The following STXBP5L variants were observed in gnomAD, a reference collection of about 807,000 sequenced individuals.
STXBP5L encodes the protein syntaxin binding protein 5L, also known as syntaxin-binding protein 5-like.
Under a neutral mutation model 144.5 loss-of-function variants are expected in STXBP5L, and 65 were observed. The observed-to-expected ratio is 0.45, with a 90% confidence interval of 0.37 to 0.55. The LOEUF (loss-of-function observed/expected upper bound fraction) is 0.55. Among genes scored for constraint, STXBP5L ranks in the 20% least tolerant of loss-of-function variants. The probability of loss-of-function intolerance (pLI) is 0.00; values close to 1 mark genes in which losing one functional copy is unlikely to be tolerated. For synonymous variants in STXBP5L, 505 were observed against 469.6 expected (o/e 1.08, Z -0.97); for missense variants, 1,298 against 1,405.5 (o/e 0.92, Z 1.22).
chr3:121,365,364 A>G (rs1173478130), intron 20 of STXBP5L, among the ~76,000 whole-genome samples: 1 of 151,780 alleles, frequency 6.6e-6, no homozygotes, highest in Non-Finnish European at 1.5e-5. Context: ...TTGGCAGAAT[A>G]CACGAGTGAA....
At chr3:121,155,923 T>A (rs1227970326) in intron 8 of STXBP5L, among the ~76,000 whole-genome samples, 1 of 151,910 alleles carries the variant, frequency 6.6e-6, no homozygotes, top group Non-Finnish European at 1.5e-5. Context: ...TGCCTCCATC[T>A]TTGATGGCAA....
chr3:120,926,999 G>A (rs1309986934), intron 2 of STXBP5L, among the ~76,000 whole-genome samples: 4 of 148,482 alleles, frequency 2.7e-5, no homozygotes, highest in African/African-American at 5.0e-5. Context: ...GCAGTAGCAC[G>A]ATCTTGGCTC....
At chr3:121,055,487 G>T (rs1263664170) in intron 5 of STXBP5L, among the ~76,000 whole-genome samples, 1 of 151,896 alleles carries the variant, frequency 6.6e-6, no homozygotes, top group African/African-American at 2.4e-5. Context: ...TAAGTAATAG[G>T]CTTTCATTAT....
intron 3 of STXBP5L, among the ~76,000 whole-genome samples, chr3:120,973,759 G>T (rs1418005502): frequency 7.1e-6 from 1 of 140,846 alleles, no homozygotes; most frequent in Non-Finnish European, 1.5e-5. Context: ...TGTTCTCATT[G>T]TTCAATTCCC....
intron 5 of STXBP5L, among the ~76,000 whole-genome samples, chr3:121,080,201 A>G (rs1327190001): frequency 6.6e-6 from 1 of 151,952 alleles, no homozygotes; most frequent in African/African-American, 2.4e-5. Flanking sequence ...CTTTACCTTA[A>G]GTTTATGTGA....
chr3:120,994,659 T>A (rs1053086075), intron 3 of STXBP5L, among the ~76,000 whole-genome samples: 1 of 152,176 alleles, frequency 6.6e-6, no homozygotes, highest in Admixed American at 6.6e-5. Context: ...ATTATCTTTC[T>A]GATGTGCCGT....
intron 5 of STXBP5L, among the ~76,000 whole-genome samples, chr3:121,047,475 G>A (rs1036421747): frequency 6.6e-6 from 1 of 152,090 alleles, no homozygotes; most frequent in South Asian, 2.1e-4. Flanking sequence ...CACTATTATT[G>A]TGTGGGAATC....
chr3:121,043,391 A>G (rs1420029312), intron 4 of STXBP5L, among the ~76,000 whole-genome samples: 1 of 152,050 alleles, frequency 6.6e-6, no homozygotes, highest in Non-Finnish European at 1.5e-5. Context: ...CTCCGATGAT[A>G]AGTCACATCT....
At chr3:120,996,142 TAC>T (rs1407120330) in intron 3 of STXBP5L, among the ~76,000 whole-genome samples, 2 of 152,102 alleles carry the variant, frequency 1.3e-5, no homozygotes, top group Non-Finnish European at 2.9e-5. Flanking sequence ...TTATTTGTAA[TAC>T]AGTATTTTTT....
chr3:121,406,512 G>T (rs1196186105), intron 22 of STXBP5L, among the ~76,000 whole-genome samples: 2 of 151,968 alleles, frequency 1.3e-5, no homozygotes, highest in African/African-American at 4.8e-5. Context: ...TACCTCCTAA[G>T]CTTTATAGTA....
intron 5 of STXBP5L, among the ~76,000 whole-genome samples, chr3:121,079,398 A>T (rs1007106406): frequency 6.6e-6 from 1 of 152,246 alleles, no homozygotes; most frequent in African/African-American, 2.4e-5. Flanking sequence ...ATAAACTTTC[A>T]GGAATGTGGA....
intron 20 of STXBP5L, among the ~76,000 whole-genome samples, chr3:121,338,610 G>GAGAGAAAGAGAGAAAGAAAGAAAGAA (rs1559990775): frequency 1.4e-5 from 1 of 69,444 alleles, no homozygotes; most frequent in Non-Finnish European, 3.1e-5. Context: ...AAAAAAAAAA[G>GAGAGAAAGAGAGAAAGAAAGAAAGAA]AGAGAAAGAG....
At chr3:120,989,023 C>T (rs989294714) in intron 3 of STXBP5L, among the ~76,000 whole-genome samples, 5 of 152,038 alleles carry the variant, frequency 3.3e-5, no homozygotes, top group Non-Finnish European at 5.9e-5. Flanking sequence ...GAATAATATT[C>T]CATGGAATAT....
intron 20 of STXBP5L, among the ~76,000 whole-genome samples, chr3:121,348,591 C>A (rs968181707): frequency 4.6e-5 from 7 of 152,106 alleles, no homozygotes; most frequent in East Asian, 3.9e-4. Flanking sequence ...TGGTCCTAGA[C>A]TTTTTTTGGT....
intron 10 of STXBP5L, among the ~76,000 whole-genome samples, chr3:121,216,309 T>C (rs1393959987): frequency 6.6e-6 from 1 of 152,230 alleles, no homozygotes; most frequent in Non-Finnish European, 1.5e-5. Flanking sequence ...TACTTTTTTG[T>C]CTCATCTTCA....
At position 121,254,783 on chromosome 3, in the gene STXBP5L, C is replaced by G. The variant is rs926682009; in HGVS notation, c.1442-112C>G. 5.5e-6 allele frequency: 5 copies of G among 911,270 alleles called. No individual in the cohort carries two copies. In the African/African-American group the frequency reaches 8.5e-5, roughly 15 times the overall value. 56.4% of individuals were successfully genotyped at this position (911,270 alleles called of 1,614,324 possible). A position where few individuals can be genotyped will look rare whatever the true frequency, so the allele number is the denominator to read the frequency against. On this transcript the variant is annotated intron_variant, in intron 15 of 26. Coordinates refer to ENST00000471454, the MANE Select transcript of STXBP5L (RefSeq NM_001308330.2). ...GCTTTACTGGTTAAAATGTAATTCA[C>G]TTTGTCTACTTAGGTTTACTTTTGT...
At chr3:121,087,248 T>C (rs1306178030) in intron 5 of STXBP5L, among the ~76,000 whole-genome samples, 10 of 152,090 alleles carry the variant, frequency 6.6e-5, no homozygotes, top group Non-Finnish European at 1.5e-5. Context: ...ATTTTCTCTT[T>C]AGTTGTTCTA....
chr3:121,045,424 T>C lies in STXBP5L; in HGVS notation c.370-11T>C, dbSNP rs754913694. The C allele has an allele frequency of 1.9e-5, 30 of 1,593,202 alleles. No homozygotes were observed. The highest frequency in any genetic ancestry group is 2.6e-5 in the Non-Finnish European group (30 of 1,173,144). Reference sequence around the variant, plus strand: ...AAATCACACACTTACTTTATCTTCTTTTTGTTCTAGGGTGCCTTGGTCAGT... The same window carrying C: ...AAATCACACACTTACTTTATCTTCTCTTTGTTCTAGGGTGCCTTGGTCAGT... On this transcript the variant is annotated splice_polypyrimidine_tract_variant and intron_variant, in intron 4 of 26. Coordinates refer to ENST00000471454, the MANE Select transcript of STXBP5L (RefSeq NM_001308330.2).
In STXBP5L at chr3:121,408,162, A is replaced by G. The variant is rs532294949; in HGVS notation, c.2948+559A>G. Among the ~76,000 whole-genome samples, 52 of 152,130 alleles carry G rather than the reference A, an allele frequency of 3.4e-4. No individual in the cohort carries two copies. The South Asian group carries it at 5.0e-3, about 15-fold the overall frequency. On this transcript the variant is annotated intron_variant, in intron 23 of 26. Transcript: ENST00000471454. Reference sequence around the variant, plus strand: ...GAAAAGTGAGGCCAGTCTGATAATTAAAAGTTATCAGATACTTTTAAAATA... The same window carrying G: ...GAAAAGTGAGGCCAGTCTGATAATTGAAAGTTATCAGATACTTTTAAAATA...
Sources: allele counts gnomAD v4.1 joint callset (sites outside exome capture counted in the v4.1 genomes callset), GRCh38; gene constraint gnomAD v4.1.1; transcripts MANE v1.5; gene names NCBI Gene and HGNC (gene_info 2026-07-23, HGNC 2026-07-21).